The following AGMO variants were observed in gnomAD, a reference collection of about 807,000 sequenced individuals.
AGMO encodes the protein glyceryl-ether monooxygenase.
In AGMO, 75 loss-of-function variants were observed where a neutral mutation model predicts 60.2. That is an observed-to-expected ratio of 1.25 (90% CI 1.03 to 1.51). AGMO has a LOEUF of 1.51. Ranked by LOEUF, AGMO falls within the 40% of genes most tolerant of loss-of-function variation. AGMO has a pLI of 0.00. For synonymous variants in AGMO, 261 were observed against 177.1 expected (o/e 1.47, Z -3.76); for missense variants, 763 against 525.5 (o/e 1.45, Z -4.42).
At chr7:15,397,653 T>C (rs1009588358) in intron 5 of AGMO, among the ~76,000 whole-genome samples, 3 of 152,220 alleles carry the variant, frequency 2.0e-5, no homozygotes, top group African/African-American at 7.2e-5. Context: ...TTTTCTAATC[T>C]GGGGTGCTAT....
In AGMO at chr7:15,201,412, T is replaced by C. The variant is rs1781277677; in HGVS notation, c.1264-53A>G. The C allele has an allele frequency of 6.4e-6, 8 of 1,243,378 alleles. No homozygotes were observed. In the South Asian group the frequency reaches 7.6e-5, roughly 12 times the overall value. The allele number at this position is 1,243,378 out of a possible 1,614,324, so 77.0% of individuals were successfully genotyped here. ...AAAAATTAGAAGTGAATCAATACTA[T>C]TGCTCAACTGAATTAAAAATATTTC... is the stretch of plus-strand genomic sequence containing the variant. On this transcript the variant is annotated intron_variant, in intron 12 of 12. Transcript: ENST00000342526.
the AGMO span, among the ~76,000 whole-genome samples, chr7:15,189,199 A>C: frequency 3.3e-5 from 5 of 152,298 alleles, no homozygotes; most frequent in African/African-American, 1.2e-4. Context: ...GAAAAACCCA[A>C]GACAATTAGG....
At chr7:15,152,603 T>C in the AGMO span, among the ~76,000 whole-genome samples, 2 of 152,300 alleles carry the variant, frequency 1.3e-5, no homozygotes, top group African/African-American at 2.4e-5. Flanking sequence ...TGTTTGACTT[T>C]TCATTCCCGA....
intron 12 of AGMO, among the ~76,000 whole-genome samples, chr7:15,292,546 A>AT (rs1475095004): frequency 2.0e-5 from 3 of 152,156 alleles, no homozygotes; most frequent in Non-Finnish European, 4.4e-5. Flanking sequence ...AATTTTTAAT[A>AT]TTTTAAACTT....
At chr7:15,396,406 C>T (rs1380151184) in intron 5 of AGMO, 3 of 152,240 alleles carry the variant, frequency 2.0e-5, no homozygotes, top group Non-Finnish European at 4.4e-5. Context: ...TCCTGAGTTT[C>T]CTTGGTTCAG....
At chr7:15,346,151 T>G (rs975250506) in intron 12 of AGMO, among the ~76,000 whole-genome samples, 1 of 152,168 alleles carries the variant, frequency 6.6e-6, no homozygotes, top group Admixed American at 6.5e-5. Flanking sequence ...ATAAAAGCTA[T>G]GCTTTTCAAA....
the AGMO span, among the ~76,000 whole-genome samples, chr7:15,137,742 G>A: frequency 1.6e-4 from 24 of 152,268 alleles, no homozygotes; most frequent in East Asian, 3.9e-4. Flanking sequence ...TCAAGCCCCA[G>A]AACAAATGTC....
Position 15,278,499 on chromosome 7 carries a change from A to G in AGMO, c.1264-77140T>C, listed in dbSNP as rs568011723. Among the ~76,000 whole-genome samples the G allele has an allele frequency of 2.6e-5, 4 of 152,092 alleles. No homozygotes were observed. In the South Asian group the frequency reaches 8.3e-4, roughly 32 times the overall value. ...CCAGAATTCAGGTGCTGGCTGTGATAGGGATGGGTGACTGGCCTCTAGGCC... is the reference window on the plus strand; with the variant it reads ...CCAGAATTCAGGTGCTGGCTGTGATGGGGATGGGTGACTGGCCTCTAGGCC... On this transcript the variant is annotated intron_variant, in intron 12 of 12. Transcript: ENST00000342526.
chr7:15,521,754 A>T (rs1783995106), intron 3 of AGMO, among the ~76,000 whole-genome samples: 1 of 152,200 alleles, frequency 6.6e-6, no homozygotes, highest in African/African-American at 2.4e-5. Context: ...CTGAATGGGC[A>T]AAAGATGGAA....
the AGMO span, among the ~76,000 whole-genome samples, chr7:15,128,306 G>C: frequency 0.028 from 4,228 of 152,184 alleles, 206 homozygotes; most frequent in African/African-American, 0.097. Context: ...GAAAGAAAAG[G>C]AAGAGATGAA....
chr7:15,367,329 T>C (rs1783026937), intron 10 of AGMO, among the ~76,000 whole-genome samples: 1 of 151,964 alleles, frequency 6.6e-6, no homozygotes, highest in Non-Finnish European at 1.5e-5. Context: ...GCATTTAATT[T>C]ATATATTAAA....
intron 12 of AGMO, among the ~76,000 whole-genome samples, chr7:15,343,849 C>T (rs1781941048): frequency 6.6e-6 from 1 of 152,146 alleles, no homozygotes; most frequent in South Asian, 2.1e-4. Context: ...ACGGACAAAA[C>T]TTGCCTTTCT....
intron 12 of AGMO, among the ~76,000 whole-genome samples, chr7:15,281,960 G>C (rs1249797528): frequency 1.3e-5 from 2 of 152,010 alleles, no homozygotes; most frequent in African/African-American, 2.4e-5. Context: ...CTATAGCCTA[G>C]GAACCCATAC....
chr7:15,155,304 T>A, the AGMO span, among the ~76,000 whole-genome samples: 1 of 152,000 alleles, frequency 6.6e-6, no homozygotes, highest in African/African-American at 2.4e-5. Flanking sequence ...TAAAAAATTT[T>A]TTTCTTTATT....
intron 12 of AGMO, among the ~76,000 whole-genome samples, chr7:15,219,146 T>C (rs547544250): frequency 2.6e-5 from 4 of 152,272 alleles, no homozygotes; most frequent in Admixed American, 2.0e-4. Context: ...TTAAAATACT[T>C]ATTCAGGAAA....
At chr7:15,207,757 A>C (rs905854769) in intron 12 of AGMO, among the ~76,000 whole-genome samples, 1 of 152,068 alleles carries the variant, frequency 6.6e-6, no homozygotes, top group Non-Finnish European at 1.5e-5. Context: ...ACATGGTGAA[A>C]CCACGTCTCT....
At chr7:15,486,930 T>G (rs940101888) in intron 3 of AGMO, among the ~76,000 whole-genome samples, 2 of 152,208 alleles carry the variant, frequency 1.3e-5, no homozygotes, top group African/African-American at 4.8e-5. Flanking sequence ...GGCAATAATG[T>G]CTTTCTTTGG....
intron 12 of AGMO, among the ~76,000 whole-genome samples, chr7:15,359,690 T>TGG (rs942522120): frequency 2.0e-5 from 3 of 152,340 alleles, no homozygotes; most frequent in African/African-American, 2.4e-5. Context: ...CTCCTACCCC[T>TGG]GGTTCATTTC....
At chr7:15,273,802 C>T (rs539494196) in intron 12 of AGMO, among the ~76,000 whole-genome samples, 21 of 152,212 alleles carry the variant, frequency 1.4e-4, no homozygotes, top group East Asian at 1.2e-3. Context: ...TTTTGTTGAG[C>T]AGTGGTTTGT....
Sources: gnomAD v4.1 joint callset for allele counts (sites outside exome capture counted in the v4.1 genomes callset) on GRCh38, gnomAD v4.1.1 for gene constraint, MANE v1.5 for transcripts, NCBI Gene and HGNC (gene_info 2026-07-23, HGNC 2026-07-21) for gene names.